The following LOC400499 variants were observed in gnomAD, a reference collection of about 807,000 sequenced individuals.
chr16:11,495,325 G>T, the LOC400499 span, among the ~76,000 whole-genome samples: 2 of 152,002 alleles, frequency 1.3e-5, no homozygotes, highest in African/African-American at 4.8e-5. Context: ...AACAGGAGGG[G>T]GTTCAGGACA....
the LOC400499 span, chr16:11,384,264 C>A: frequency 8.1e-6 from 10 of 1,232,322 alleles, no homozygotes; most frequent in Non-Finnish European, 8.1e-6. Context: ...TAGAGCCATC[C>A]GGCAACATCA....
chr16:11,514,747 G>C, the LOC400499 span, among the ~76,000 whole-genome samples: 1 of 152,292 alleles, frequency 6.6e-6, no homozygotes, highest in African/African-American at 2.4e-5. Context: ...CATCAGCCCA[G>C]GCAAAGGCAC....
At chr16:11,384,933 C>T in the LOC400499 span, 92 of 1,232,156 alleles carry the variant, frequency 7.5e-5, no homozygotes, top group Middle Eastern at 3.1e-4. Context: ...CCGGTGGGCA[C>T]GTCACAGGAG....
the LOC400499 span, among the ~76,000 whole-genome samples, chr16:11,507,194 C>G: frequency 5.4e-3 from 820 of 152,308 alleles, 9 homozygotes; most frequent in African/African-American, 0.018. Flanking sequence ...TGAGGTTCGG[C>G]AGTGCAACGG....
chr16:11,495,560 T>C, the LOC400499 span, among the ~76,000 whole-genome samples: 4 of 152,218 alleles, frequency 2.6e-5, no homozygotes, highest in East Asian at 1.9e-4. Flanking sequence ...TTTCTATTTT[T>C]AGTAAAGCCG....
the LOC400499 span, among the ~76,000 whole-genome samples, chr16:11,492,782 C>A: frequency 1.1e-5 from 1 of 91,986 alleles, no homozygotes; most frequent in African/African-American, 7.8e-5. Flanking sequence ...GAGACTCCGT[C>A]TCAAAAAAAA....
chr16:11,512,804 T>C, the LOC400499 span, among the ~76,000 whole-genome samples: 1 of 152,232 alleles, frequency 6.6e-6, no homozygotes, highest in South Asian at 2.1e-4. Flanking sequence ...CTGGCAAGCC[T>C]GGATGCCCCC....
At chr16:11,494,451 A>G in the LOC400499 span, 2,592 of 390,426 alleles carry the variant, frequency 6.6e-3, 67 homozygotes, top group African/African-American at 0.05. Flanking sequence ...AGGGGGAATG[A>G]GGGATAGGAG....
chr16:11,505,892 T>C, the LOC400499 span, among the ~76,000 whole-genome samples: 1 of 152,212 alleles, frequency 6.6e-6, no homozygotes, highest in South Asian at 2.1e-4. Context: ...GTTCAAATTC[T>C]TCTCTTCCAG....
At chr16:11,435,120 C>T in the LOC400499 span, among the ~76,000 whole-genome samples, 53 of 151,950 alleles carry the variant, frequency 3.5e-4, no homozygotes, top group Non-Finnish European at 6.0e-4. Context: ...GCTGGGACTA[C>T]AGGTGCATGC....
the LOC400499 span, chr16:11,392,641 T>TA: frequency 1.7e-6 from 1 of 577,380 alleles, no homozygotes. Context: ...CTGCACCACC[T>TA]AGAGCAACCA....
chr16:11,438,859 T>C, the LOC400499 span, among the ~76,000 whole-genome samples: 4 of 151,848 alleles, frequency 2.6e-5, no homozygotes, highest in South Asian at 2.1e-4. Flanking sequence ...CTTTGGAAGG[T>C]TGAATCAGAA....
the LOC400499 span, among the ~76,000 whole-genome samples, chr16:11,524,247 A>C: frequency 1.0e-3 from 105 of 103,002 alleles, no homozygotes; most frequent in Admixed American, 1.4e-3. Flanking sequence ...CCTCCTATCC[A>C]TCTACCCACT....
At chr16:11,447,626 C>T in the LOC400499 span, among the ~76,000 whole-genome samples, 5 of 152,050 alleles carry the variant, frequency 3.3e-5, no homozygotes, top group African/African-American at 1.2e-4. Context: ...TCGTGCTGTT[C>T]CCTGCACACA....
At chr16:11,421,266 T>C in the LOC400499 span, among the ~76,000 whole-genome samples, 1 of 152,134 alleles carries the variant, frequency 6.6e-6, no homozygotes, top group East Asian at 1.9e-4. Flanking sequence ...TGAGCCCTCA[T>C]CACCACACAG....
chr16:11,402,047 C>A, the LOC400499 span: 1 of 399,204 alleles, frequency 2.5e-6, no homozygotes, highest in East Asian at 3.6e-5. Flanking sequence ...CTGGTCCCTG[C>A]CATCCCAGCC....
At chr16:11,448,514 TAA>T in the LOC400499 span, among the ~76,000 whole-genome samples, 1 of 139,528 alleles carries the variant, frequency 7.2e-6, no homozygotes, top group Non-Finnish European at 1.5e-5. Flanking sequence ...TCGTGTCTGC[TAA>T]AACAAACAAA....
the LOC400499 span, among the ~76,000 whole-genome samples, chr16:11,463,373 T>C: frequency 2.0e-5 from 3 of 149,482 alleles, no homozygotes; most frequent in Non-Finnish European, 3.0e-5. Flanking sequence ...CCCACAGATG[T>C]GTGTGCGGAT....
the LOC400499 span, among the ~76,000 whole-genome samples, chr16:11,406,789 C>T: frequency 6.6e-6 from 1 of 152,236 alleles, no homozygotes; most frequent in African/African-American, 2.4e-5. Flanking sequence ...CATGTGTCGT[C>T]TCTTCAGTGG....
Sources: allele counts gnomAD v4.1 joint callset (sites outside exome capture counted in the v4.1 genomes callset), GRCh38; gene constraint gnomAD v4.1.1; transcripts MANE v1.5.